The following CDH15 variants were observed in gnomAD, a reference collection of about 807,000 sequenced individuals.
The protein encoded by CDH15 is cadherin-15.
In CDH15, 73 loss-of-function variants were observed where a neutral mutation model predicts 69.4. The observed-to-expected ratio is 1.05, with a 90% CI of 0.87 to 1.28. The LOEUF (loss-of-function observed/expected upper bound fraction) is 1.28. CDH15 is among the 50% of genes most tolerant of loss of function. CDH15 has a pLI of 0.00. For missense variants in CDH15, 1,343 were observed against 1,133.6 expected (o/e 1.18, Z -2.65); for synonymous variants, 624 against 507.7 (o/e 1.23, Z -3.08).
intron 3 of CDH15, 32 bp from the exon 4 acceptor site, chr16:89,183,516 A>G (rs931101945): frequency 7.4e-6 from 12 of 1,613,784 alleles, no homozygotes; most frequent in Non-Finnish European, 1.0e-5. Context: ...TTTGGGGGCC[A>G]CAGAGCCAGC....
chr16:89,193,423 A>G (rs981499356), intron 11 of CDH15, 47 bp from the exon 12 acceptor site: 23 of 1,546,394 alleles, frequency 1.5e-5, no homozygotes, highest in Non-Finnish European at 1.9e-5. Context: ...GGCCCCCTGA[A>G]GTCGCGCCCT....
At position 89,195,005 on chromosome 16, in the gene CDH15, C is replaced by A; in HGVS notation, c.2295C>A (p.Tyr765Ter). 1 of 1,612,196 alleles carries A rather than the reference C, an allele frequency of 6.2e-7. No individual in the cohort carries two copies. The highest frequency in any genetic ancestry group is 8.5e-7 in the Non-Finnish European group (1 of 1,179,722). ...GCGATGAGGACCAGGACTACGACTA[C>A]CTCAGAGACTGGGGGCCCCGCTTCG... is the stretch of plus-strand genomic sequence containing the variant. ...SQGDEDQDYD[Y>*]LRDWGPRFAR... The change falls in exon 14 of 14, where the codon TAC becomes TAA. Residue 765 changes from tyrosine to a stop codon, truncating the protein, a stop_gained. Coordinates refer to ENST00000289746, the MANE Select transcript of CDH15 (RefSeq NM_004933.3). LOFTEE classifies it low-confidence loss of function (END_TRUNC).
intron 4 of CDH15, 123 bp from the exon 5 acceptor site, chr16:89,185,050 T>A (rs1205840947): frequency 9.8e-6 from 9 of 919,884 alleles, no homozygotes; most frequent in Non-Finnish European, 1.3e-5. Flanking sequence ...GACTGCCCCA[T>A]CTGGGGTCAG....
At chr16:89,176,703 G>A (rs147568223) in intron 1 of CDH15, among the ~76,000 whole-genome samples, 2 of 150,100 alleles carry the variant, frequency 1.3e-5, no homozygotes, top group Non-Finnish European at 2.9e-5. Context: ...AGCAGGCCGC[G>A]AAGACGGTGA....
intron 2 of CDH15, among the ~76,000 whole-genome samples, chr16:89,179,866 T>C (rs1037686147): frequency 1.3e-5 from 2 of 152,232 alleles, no homozygotes; most frequent in Non-Finnish European, 2.9e-5. Flanking sequence ...GATTTTTGTG[T>C]GCGTGTTCGC....
At chr16:89,172,074 C>A (rs1479135147) in intron 1 of CDH15, among the ~76,000 whole-genome samples, 1 of 152,164 alleles carries the variant, frequency 6.6e-6, no homozygotes, top group Non-Finnish European at 1.5e-5. Context: ...TAACCAAACA[C>A]TCCATCTGGT....
In CDH15 at chr16:89,192,104, G is replaced by C. The variant is rs1042554029; in HGVS notation, c.1616-101G>C. On this transcript the variant is annotated intron_variant, in intron 10 of 13. Transcript: ENST00000289746. The stretch of plus-strand genomic sequence containing the variant: ...GACGGTGGGGGTGGGGGGGACCCAG[G>C]CCCAGGATCTCGGGATCCCCACCCT... 6 of 1,407,948 alleles carry C rather than the reference G, an allele frequency of 4.3e-6. No individual in the cohort carries two copies. In the African/African-American group the frequency reaches 8.6e-5, roughly 20 times the overall value. The allele number at this position is 1,407,948 out of a possible 1,614,324, so 87.2% of individuals were successfully genotyped here.
At chr16:89,183,754 G>A in intron 4 of CDH15, 62 bp downstream of exon 4, 8 of 1,509,956 alleles carry the variant, frequency 5.3e-6, no homozygotes, top group African/African-American at 1.4e-5. Flanking sequence ...GTGAAGTCCA[G>A]GACTTCCCTT....
rs1915326400 is a variant in CDH15, at chr16:89,179,470, C to T, written c.97C>T (p.Pro33Ser). ...PGWRRPTTLY[P>S]WRRAPALSRV... ...ATGGAGGAGGCCCACCACCCTGTAC[C>T]CCTGGCGCCGGGCGCCTGCCCTGAG... Residue 33 changes from proline to serine, a missense_variant, in exon 2 of 14, where the codon CCC becomes TCC. Coordinates refer to ENST00000289746, the MANE Select transcript of CDH15 (RefSeq NM_004933.3). The T allele has an allele frequency of 1.9e-6, 3 of 1,613,580 alleles. No homozygotes were observed. Among genetic ancestry groups the T allele is most frequent in the Middle Eastern group, 3.3e-4 (2 of 6,058 alleles).
chr16:89,191,718 C>T lies in CDH15; in HGVS notation c.1439C>T (p.Ala480Val), dbSNP rs1212333576. The change falls in exon 10 of 14, where the codon GCA (alanine) becomes GTA (valine). Residue 480 changes from alanine to valine, a missense_variant. Ala to Val is a moderately conservative substitution (Grantham distance 64, BLOSUM62 0). Transcript: ENST00000289746. The stretch of plus-strand genomic sequence containing the variant: ...GAGATCCTGGAGGTGAACGACCATG[C>T]ACCTGTGCTGGCCCCGCCGCCGCCG... ...SIEILEVNDH[A>V]PVLAPPPPGS... 1.2e-6 allele frequency: 2 copies of T among 1,603,762 alleles called. No individual in the cohort carries two copies. Among genetic ancestry groups the T allele is most frequent in the Non-Finnish European group, 1.7e-6 (2 of 1,178,858 alleles).
Position 89,187,523 on chromosome 16 carries a change from T to A in CDH15, c.758T>A (p.Ile253Asn). Residue 253 changes from isoleucine (I) to asparagine (N), a missense_variant, in exon 6 of 14, where the codon ATC becomes AAC. Physicochemically the swap from Ile to Asn is moderately radical, Grantham distance 149. Transcript: ENST00000289746. ...TCAGCCATCATCACCCTTGATGACATCAATGACAATGCCCCCGAGTTCACC... is the reference window on the plus strand; with the variant it reads ...TCAGCCATCATCACCCTTGATGACAACAATGACAATGCCCCCGAGTTCACC... ...TASAIITLDD[I>N]NDNAPEFTRD... The A allele has an allele frequency of 1.2e-6, 2 of 1,613,724 alleles. No individual in the cohort carries two copies. Among genetic ancestry groups the A allele is most frequent in the Non-Finnish European group, 1.7e-6 (2 of 1,180,018 alleles).
intron 10 of CDH15, 144 bp downstream of exon 10, chr16:89,192,038 T>C: frequency 1.2e-6 from 1 of 818,500 alleles, no homozygotes; most frequent in South Asian, 1.6e-5. Flanking sequence ...CCCCCACCAC[T>C]GCATCCTCCC....
In CDH15 at chr16:89,188,085, G is replaced by T; in HGVS notation, c.793-15G>T. On this transcript the variant is annotated splice_polypyrimidine_tract_variant and intron_variant, in intron 6 of 13. Coordinates refer to ENST00000289746, the MANE Select transcript of CDH15 (RefSeq NM_004933.3). ...CCAGCCCTGCTGGTAACTGGGGCTG[G>T]GATCCCCCACCCAGTTCTTCATGGA... 6.2e-7 allele frequency: 1 copy of T among 1,603,556 alleles called. No individual in the cohort carries two copies. Among genetic ancestry groups the T allele is most frequent in the Non-Finnish European group, 8.5e-7 (1 of 1,175,896 alleles).
chr16:89,190,225 T>C lies in CDH15; in HGVS notation c.979-18T>C. 6.2e-7 allele frequency: 1 copy of C among 1,610,424 alleles called. No homozygotes were observed. Among genetic ancestry groups the C allele is most frequent in the Non-Finnish European group, 8.5e-7 (1 of 1,179,028 alleles). On this transcript the variant is annotated intron_variant, in intron 7 of 13. Transcript: ENST00000289746. ...CACTTGCGTTGGGCGGATGACGGGC[T>C]GTGCTTCCTTCCCTCAGGCCCTGGA...
Position 89,192,515 on chromosome 16 carries a change from A to T in CDH15, c.1855+71A>T, listed in dbSNP as rs1168254182. The T allele has an allele frequency of 7.9e-6, 12 of 1,524,474 alleles. No homozygotes were observed. The East Asian group carries it at 1.7e-4, about 22-fold the overall frequency. The allele number at this position is 1,524,474 out of a possible 1,614,324, so 94.4% of individuals were successfully genotyped here. A position where few individuals can be genotyped will look rare whatever the true frequency, so the allele number is the denominator to read the frequency against. Reference sequence around the variant, plus strand: ...CCTCCTCCCCAGGCCGTCCCCTGCTAACCAGCCACGCCGCTTCCTCCCCAG... The same window carrying T: ...CCTCCTCCCCAGGCCGTCCCCTGCTTACCAGCCACGCCGCTTCCTCCCCAG... On this transcript the variant is annotated intron_variant, in intron 11 of 13. Transcript: ENST00000289746.
chr16:89,179,082 G>A (rs1313830128), intron 1 of CDH15, among the ~76,000 whole-genome samples: 1 of 152,230 alleles, frequency 6.6e-6, no homozygotes, highest in East Asian at 1.9e-4. Flanking sequence ...CCTCCCAGTG[G>A]CCCATGCACT....
chr16:89,184,288 C>T (rs909878130), intron 4 of CDH15, among the ~76,000 whole-genome samples: 1 of 152,182 alleles, frequency 6.6e-6, no homozygotes, highest in African/African-American at 2.4e-5. Flanking sequence ...ACAGACAGCA[C>T]GTCCTAGCTC....
rs759882882 is a variant in CDH15, at chr16:89,193,565, G to A, written c.1951G>A (p.Val651Ile). 1.9e-6 allele frequency: 3 copies of A among 1,610,260 alleles called. No individual in the cohort carries two copies. Among genetic ancestry groups the A allele is most frequent in the South Asian group, 2.2e-5 (2 of 90,404 alleles). ...CCCCCAGGACGACCTTCGAGACAAT[G>A]TCCTCAACTACGATGAGCAAGGAGG... ...HGPQDDLRDN[V>I]LNYDEQGGGE... Residue 651 changes from valine (V) to isoleucine (I), a missense_variant, in exon 12 of 14, where the codon GTC becomes ATC. Coordinates refer to ENST00000289746, the MANE Select transcript of CDH15 (RefSeq NM_004933.3).
In CDH15 at chr16:89,172,007, G is replaced by C. The variant is rs536398780; in HGVS notation, c.42+134G>C. On this transcript the variant is annotated intron_variant, in intron 1 of 13. Coordinates refer to ENST00000289746, the MANE Select transcript of CDH15 (RefSeq NM_004933.3). ...CCTTTGGGGGCCTGTGAGCGGAGTG[G>C]CTCCGGGTGGGTCCCTGGGCTGGGG... 4 of 904,332 alleles carry C rather than the reference G, an allele frequency of 4.4e-6. No individual in the cohort carries two copies. The South Asian group carries it at 6.1e-5, about 14-fold the overall frequency. The allele number at this position is 904,332 out of a possible 1,614,324, so 56.0% of individuals were successfully genotyped here. A position where few individuals can be genotyped will look rare whatever the true frequency, so the allele number is the denominator to read the frequency against.
Sources: allele counts gnomAD v4.1 joint callset (sites outside exome capture counted in the v4.1 genomes callset), GRCh38; gene constraint gnomAD v4.1.1; transcripts MANE v1.5; gene names NCBI Gene and HGNC (gene_info 2026-07-23, HGNC 2026-07-21).